The following ARL15 variants were observed in gnomAD, a reference collection of about 807,000 sequenced individuals.
ARL15 encodes the protein ARF like GTPase 15, also known as ADP-ribosylation factor-like protein 15.
Under a neutral mutation model 25.2 loss-of-function variants are expected in ARL15, and 19 were observed. The ratio of observed to expected loss-of-function variants is 0.75; its 90% CI spans 0.53 to 1.10. The LOEUF is 1.10. Among genes scored for constraint, ARL15 ranks in the 50% least tolerant of loss-of-function variants. The pLI, the probability that ARL15 is intolerant of heterozygous loss-of-function variation, is 0.00. For synonymous variants in ARL15, 94 were observed against 86.8 expected (o/e 1.08, Z -0.46); for missense variants, 220 against 246.0 (o/e 0.89, Z 0.71).
chr5:53,900,463 T>C (rs1745026776), intron 4 of ARL15, among the ~76,000 whole-genome samples: 1 of 152,148 alleles, frequency 6.6e-6, no homozygotes, highest in Non-Finnish European at 1.5e-5. Flanking sequence ...GTGAACTCCA[T>C]TTTCAGTTAC....
chr5:54,123,128 A>C (rs1228546419), intron 3 of ARL15, among the ~76,000 whole-genome samples: 1 of 139,190 alleles, frequency 7.2e-6, no homozygotes, highest in Admixed American at 7.3e-5. Flanking sequence ...TTTTTTTTTG[A>C]GACGGAGTTT....
intron 4 of ARL15, among the ~76,000 whole-genome samples, chr5:53,891,463 A>ACCC (rs1744705529): frequency 6.6e-6 from 1 of 152,156 alleles, no homozygotes; most frequent in Non-Finnish European, 1.5e-5. Flanking sequence ...ACAACCAGTC[A>ACCC]TTGCTAGAAA....
intron 4 of ARL15, among the ~76,000 whole-genome samples, chr5:54,044,580 T>TA (rs1750450561): frequency 6.6e-6 from 1 of 152,204 alleles, no homozygotes; most frequent in Admixed American, 6.5e-5. Context: ...ATTTTGAATT[T>TA]AAAAAAAGGT....
intron 4 of ARL15, among the ~76,000 whole-genome samples, chr5:53,905,766 T>C (rs1745230594): frequency 6.6e-6 from 1 of 152,200 alleles, no homozygotes; most frequent in Non-Finnish European, 1.5e-5. Flanking sequence ...TTCCAATGCC[T>C]GACAAATGAT....
intron 2 of ARL15, among the ~76,000 whole-genome samples, chr5:54,164,026 A>C (rs1170973692): frequency 1.3e-5 from 2 of 151,950 alleles, no homozygotes; most frequent in Non-Finnish European, 2.9e-5. Context: ...TAGTGGTATA[A>C]ACTTTTCTTA....
chr5:54,234,403 T>C (rs1756748900), intron 1 of ARL15, among the ~76,000 whole-genome samples: 1 of 152,118 alleles, frequency 6.6e-6, no homozygotes, highest in African/African-American at 2.4e-5. Flanking sequence ...CCTTAATAAT[T>C]ATCAATGGTG....
intron 1 of ARL15, among the ~76,000 whole-genome samples, chr5:54,298,370 AC>A (rs1413457125): frequency 1.3e-5 from 2 of 151,830 alleles, no homozygotes; most frequent in Non-Finnish European, 2.9e-5. Context: ...ACAACTACCA[AC>A]CCTCTGTGTC....
At chr5:54,046,288 C>G (rs902093361) in intron 4 of ARL15, among the ~76,000 whole-genome samples, 1 of 152,146 alleles carries the variant, frequency 6.6e-6, no homozygotes, top group Non-Finnish European at 1.5e-5. Context: ...TGAGACCAGC[C>G]TGGCCAACAT....
intron 1 of ARL15, among the ~76,000 whole-genome samples, chr5:54,190,402 A>G (rs1287953340): frequency 1.3e-5 from 2 of 152,148 alleles, no homozygotes; most frequent in Non-Finnish European, 2.9e-5. Flanking sequence ...CAAAAAAAAA[A>G]AAAAAATTAC....
chr5:54,151,820 G>A (rs1175447951), intron 3 of ARL15, among the ~76,000 whole-genome samples: 2 of 152,014 alleles, frequency 1.3e-5, no homozygotes, highest in African/African-American at 2.4e-5. Flanking sequence ...ATGAGCACAG[G>A]TTTATGCGCT....
At chr5:54,123,565 T>C (rs1311865794) in intron 3 of ARL15, among the ~76,000 whole-genome samples, 3 of 152,224 alleles carry the variant, frequency 2.0e-5, no homozygotes, top group Non-Finnish European at 4.4e-5. Flanking sequence ...TCATCCTATT[T>C]CAGACAATTC....
intron 3 of ARL15, among the ~76,000 whole-genome samples, chr5:54,144,100 G>A (rs184812366): frequency 6.6e-6 from 1 of 152,014 alleles, no homozygotes; most frequent in Admixed American, 6.6e-5. Flanking sequence ...GTGAAAGAGA[G>A]AGAAATCGTA....
At chr5:54,040,095 G>A (rs189910893) in intron 4 of ARL15, among the ~76,000 whole-genome samples, 6 of 152,246 alleles carry the variant, frequency 3.9e-5, no homozygotes, top group Non-Finnish European at 7.4e-5. Flanking sequence ...ATTCACAGAA[G>A]AGCTCTGACC....
chr5:54,086,161 G>A (rs181552657), intron 4 of ARL15, among the ~76,000 whole-genome samples: 6 of 152,196 alleles, frequency 3.9e-5, no homozygotes, highest in South Asian at 2.1e-4. Flanking sequence ...TGATCCGCCC[G>A]CCTCGGCCTT....
chr5:54,121,516 T>TA (rs1753075090), intron 3 of ARL15, among the ~76,000 whole-genome samples: 1 of 152,226 alleles, frequency 6.6e-6, no homozygotes, highest in Non-Finnish European at 1.5e-5. Flanking sequence ...TGTAATTAGA[T>TA]AAGTCAATGC....
intron 1 of ARL15, among the ~76,000 whole-genome samples, chr5:54,297,819 G>T (rs908211442): frequency 6.6e-6 from 1 of 152,012 alleles, no homozygotes; most frequent in South Asian, 2.1e-4. Flanking sequence ...GTCTCGCTCT[G>T]TCGCCCAGGC....
intron 4 of ARL15, among the ~76,000 whole-genome samples, chr5:53,922,868 G>C (rs1470305437): frequency 6.6e-6 from 1 of 152,012 alleles, no homozygotes; most frequent in Non-Finnish European, 1.5e-5. Flanking sequence ...TATTCCCCTG[G>C]GGACTTTCAC....
chr5:54,068,424 G>T (rs968682360), intron 4 of ARL15, among the ~76,000 whole-genome samples: 1 of 152,126 alleles, frequency 6.6e-6, no homozygotes, highest in African/African-American at 2.4e-5. Flanking sequence ...ATGGAAAATC[G>T]ACCACAACCA....
chr5:53,902,525 A>G (rs1745100607), intron 4 of ARL15, among the ~76,000 whole-genome samples: 1 of 152,218 alleles, frequency 6.6e-6, no homozygotes, highest in Non-Finnish European at 1.5e-5. Context: ...GGGTATGAAA[A>G]AACAACAGCA....
Sources: gnomAD v4.1 joint callset for allele counts (sites outside exome capture counted in the v4.1 genomes callset) on GRCh38, gnomAD v4.1.1 for gene constraint, MANE v1.5 for transcripts, NCBI Gene and HGNC (gene_info 2026-07-23, HGNC 2026-07-21) for gene names.